Variants in CERKL observed in about 807,000 individuals in gnomAD.
CERKL encodes the protein CERK like autophagy regulator, also known as ceramide kinase-like protein.
Under a neutral mutation model 63.4 loss-of-function variants are expected in CERKL, and 61 were observed. That is an observed-to-expected ratio of 0.96 (90% CI 0.78 to 1.19). The LOEUF (loss-of-function observed/expected upper bound fraction) is 1.19, where lower values mean the gene tolerates loss of function less well. CERKL is among the 50% of genes most tolerant of loss of function. The pLI, the probability that CERKL is intolerant of heterozygous loss-of-function variation, is 0.00. For synonymous variants in CERKL, 250 were observed against 230.5 expected (o/e 1.08, Z -0.77); for missense variants, 675 against 655.5 (o/e 1.03, Z -0.33).
intron 5 of CERKL, among the ~76,000 whole-genome samples, chr2:181,553,610 T>C (rs1159227066): frequency 6.6e-6 from 1 of 152,186 alleles, no homozygotes; most frequent in African/African-American, 2.4e-5. Context: ...ATGCTAGAGA[T>C]GGCTTTAAAA....
At chr2:181,589,228 C>G (rs952471120) in intron 2 of CERKL, among the ~76,000 whole-genome samples, 59 of 152,308 alleles carry the variant, frequency 3.9e-4, no homozygotes, top group African/African-American at 1.3e-3. Context: ...AACAAGGCAT[C>G]TGCCCATTTG....
chr2:181,574,845 C>T (rs56279245), intron 2 of CERKL, among the ~76,000 whole-genome samples: 54,996 of 151,636 alleles, frequency 0.36, 10,232 homozygotes, highest in African/African-American at 0.43. Flanking sequence ...GAATATTTTA[C>T]TTCTCATTAT....
intron 10 of CERKL, among the ~76,000 whole-genome samples, chr2:181,546,693 A>T (rs1687739556): frequency 6.6e-6 from 1 of 152,238 alleles, no homozygotes; most frequent in South Asian, 2.1e-4. Context: ...TTTCAGCCCC[A>T]TAATGGACAG....
At chr2:181,539,031 C>A in intron 12 of CERKL, 61 bp downstream of exon 12, 1 of 1,221,436 alleles carries the variant, frequency 8.2e-7, no homozygotes, top group Non-Finnish European at 1.2e-6. Flanking sequence ...AGAGAGCTTT[C>A]GTTGTAATAT....
Position 181,558,587 on chromosome 2 carries a change from G to T in CERKL, c.799C>A (p.Pro267Thr), listed in dbSNP as rs1273663676. The T allele has an allele frequency of 1.9e-6, 3 of 1,613,496 alleles. No homozygotes were observed. The highest frequency in any genetic ancestry group is 2.5e-6 in the Non-Finnish European group (3 of 1,179,804). Residue 267 changes from proline to threonine, a missense_variant, in exon 5 of 13, where the codon CCA becomes ACA. Transcript: ENST00000410087. This position sits in a 1 kb window ranked among gnomAD's most constrained non-coding sequence, Gnocchi z 4.2. ...TTGCCTGCTGGTATTAAGCCAAGTG[G>T]AAGCTGTGCTCTGACAGGAGTCAGG... The part of the protein sequence containing the change: ...RILTPVRAQL[P>T]LGLIPAGSTN...
rs930043883 is a variant in CERKL, at chr2:181,550,814, TTTAA to T, written c.821-1110_821-1107del. ...TTTTAGGTAACTAAGAATAAGCATATTTAATTATTATTAATTATAAATAAGCACA... is the reference window on the plus strand; with the variant it reads ...TTTTAGGTAACTAAGAATAAGCATATTTATTATTAATTATAAATAAGCACA... On this transcript the variant is annotated intron_variant, in intron 5 of 12. Transcript: ENST00000410087. The surrounding 1 kb of genome is among the most constrained non-coding windows in gnomAD (Gnocchi z 4.5). Among the ~76,000 whole-genome samples the T allele has an allele frequency of 6.6e-6, 1 of 152,168 alleles. No homozygotes were observed. The highest frequency in any genetic ancestry group is 1.5e-5 in the Non-Finnish European group (1 of 68,024).
intron 1 of CERKL, among the ~76,000 whole-genome samples, chr2:181,621,054 G>A (rs1686426160): frequency 1.3e-5 from 2 of 152,008 alleles, no homozygotes; most frequent in African/African-American, 4.8e-5. Flanking sequence ...GCAAATGGGG[G>A]ATATGAACCT....
chr2:181,538,001 A>AGAATCTAAT lies in CERKL; in HGVS notation c.*174_*182dup, dbSNP rs1223531588. The AGAATCTAAT allele has an allele frequency of 1.5e-6, 1 of 681,716 alleles. No individual in the cohort carries two copies. The highest frequency in any genetic ancestry group is 2.8e-6 in the Non-Finnish European group (1 of 363,578). 42.2% of individuals were successfully genotyped at this position (681,716 alleles called of 1,614,324 possible). On this transcript the variant is annotated 3_prime_UTR_variant, in exon 13 of 13. Transcript: ENST00000410087. ...GATCTAGAGTGCCATGTTCCTCAAG[A>AGAATCTAAT]GAATCTAATGCCTGATGATCTGAGG...
chr2:181,578,448 C>T (rs1684353344), intron 2 of CERKL, among the ~76,000 whole-genome samples: 1 of 152,152 alleles, frequency 6.6e-6, no homozygotes, highest in Non-Finnish European at 1.5e-5. Flanking sequence ...CACAGGCATA[C>T]ACCACCAGAC....
intron 11 of CERKL, 100 bp from the exon 12 acceptor site, chr2:181,539,364 G>A (rs1687383256): frequency 5.3e-6 from 4 of 759,514 alleles, no homozygotes; most frequent in Non-Finnish European, 9.0e-6. Context: ...ATATCAGCAT[G>A]TATGCTGACA....
At chr2:181,541,560 GA>G in intron 11 of CERKL, among the ~76,000 whole-genome samples, 2 of 152,306 alleles carry the variant, frequency 1.3e-5, no homozygotes, top group Middle Eastern at 3.4e-3. Context: ...GACAACAAGA[GA>G]AAGGCACTGA....
chr2:181,652,905 G>C (rs1172834986), intron 1 of CERKL, among the ~76,000 whole-genome samples: 1 of 151,944 alleles, frequency 6.6e-6, no homozygotes, highest in Non-Finnish European at 1.5e-5. Context: ...CTCCCAAGTA[G>C]CTGTGACTAC....
chr2:181,538,846 A>T (rs1687343752), intron 12 of CERKL, among the ~76,000 whole-genome samples: 1 of 152,174 alleles, frequency 6.6e-6, no homozygotes, highest in South Asian at 2.1e-4. Context: ...ACAACAATAA[A>T]TTAGAAAGCC....
intron 2 of CERKL, among the ~76,000 whole-genome samples, chr2:181,582,558 G>A (rs1383350365): frequency 1.4e-5 from 2 of 147,288 alleles, no homozygotes; most frequent in African/African-American, 5.1e-5. Context: ...TTGAGATGGA[G>A]TCTCGCTCTG....
At chr2:181,564,939 A>G (rs1444113889) in intron 4 of CERKL, among the ~76,000 whole-genome samples, 2 of 152,144 alleles carry the variant, frequency 1.3e-5, no homozygotes, top group African/African-American at 2.4e-5. Flanking sequence ...CTCCTACCCC[A>G]TATTTTTGAT....
chr2:181,579,947 T>C (rs143569081), intron 2 of CERKL, among the ~76,000 whole-genome samples: 9 of 152,068 alleles, frequency 5.9e-5, no homozygotes, highest in African/African-American at 4.8e-5. Flanking sequence ...GATCTATTCA[T>C]ATGTCAGTAC....
At position 181,537,631 on chromosome 2, in the gene CERKL, C is replaced by CAAATCCTGAAAAATGAAAGAATCCAA. The variant is rs752510075; in HGVS notation, c.*527_*552dup. ...GGAAATTTAACATAATTGATGAGCT[C>CAAATCCTGAAAAATGAAAGAATCCAA]AAATCCTGAAAAATGAAAGAATCCA... On this transcript the variant is annotated 3_prime_UTR_variant, in exon 13 of 13. Coordinates refer to ENST00000410087, the MANE Select transcript of CERKL (RefSeq NM_201548.5). 2.1e-5 allele frequency: 9 copies of CAAATCCTGAAAAATGAAAGAATCCAA among 435,276 alleles called. No individual in the cohort carries two copies. The highest frequency in any genetic ancestry group is 1.6e-4 in the African/African-American group (8 of 48,680). The allele number at this position is 435,276 out of a possible 1,614,324, so 27.0% of individuals were successfully genotyped here.
intron 1 of CERKL, among the ~76,000 whole-genome samples, chr2:181,654,094 T>C (rs1688046880): frequency 6.6e-6 from 1 of 152,104 alleles, no homozygotes; most frequent in Non-Finnish European, 1.5e-5. Context: ...TTGGATCTGG[T>C]TGAGTTAATG....
At chr2:181,545,179 G>A (rs929131343) in intron 10 of CERKL, among the ~76,000 whole-genome samples, 17 of 152,266 alleles carry the variant, frequency 1.1e-4, no homozygotes, top group African/African-American at 2.4e-4. Context: ...CACAAGTTGT[G>A]TAACAAATAG....
Sources: gnomAD v4.1 joint callset for allele counts (sites outside exome capture counted in the v4.1 genomes callset) on GRCh38, gnomAD v4.1.1 for gene constraint, Gnocchi (gnomAD v3.1) non-coding constraint, MANE v1.5 for transcripts, NCBI Gene and HGNC (gene_info 2026-07-23, HGNC 2026-07-21) for gene names.